The following HUNK variants were observed in gnomAD, a reference collection of about 807,000 sequenced individuals.
The protein encoded by HUNK is hormonally up-regulated Neu-associated kinase.
HUNK carries 21 observed loss-of-function variants against 61.0 expected under a neutral mutation model. The ratio of observed to expected loss-of-function variants is 0.34; its 90% confidence interval spans 0.24 to 0.50. The LOEUF (loss-of-function observed/expected upper bound fraction) is 0.50. HUNK is among the 20% of genes least tolerant of loss of function. The probability of loss-of-function intolerance (pLI) is 0.98; values close to 1 mark genes in which losing one functional copy is unlikely to be tolerated. For missense variants in HUNK, 772 were observed against 945.7 expected (o/e 0.82, Z 2.41); for synonymous variants, 371 against 386.1 (o/e 0.96, Z 0.46).
chr21:31,885,059 C>T (rs1223944520), intron 1 of HUNK, among the ~76,000 whole-genome samples: 1 of 152,134 alleles, frequency 6.6e-6, no homozygotes, highest in Non-Finnish European at 1.5e-5. Context: ...ATTACAGGCA[C>T]GAGTCATCGC....
At chr21:31,985,358 G>T (rs891119284) in intron 8 of HUNK, among the ~76,000 whole-genome samples, 1 of 152,186 alleles carries the variant, frequency 6.6e-6, no homozygotes, top group Non-Finnish European at 1.5e-5. Flanking sequence ...TGTCTTGCAC[G>T]CAGGGCTGCA....
intron 1 of HUNK, among the ~76,000 whole-genome samples, chr21:31,912,885 A>C (rs1027181315): frequency 1.3e-5 from 2 of 152,140 alleles, no homozygotes; most frequent in Non-Finnish European, 2.9e-5. Flanking sequence ...TATTTGATTT[A>C]AATGATTTTA....
At position 31,980,260 on chromosome 21, in the gene HUNK, C is replaced by T. The variant is rs145448595; in HGVS notation, c.1174-3266C>T. Among the ~76,000 whole-genome samples, 633 of 152,006 alleles carry T rather than the reference C, an allele frequency of 4.2e-3. 2 individuals are homozygous for T. Among genetic ancestry groups the T allele is most frequent in the Middle Eastern group, 0.01 (3 of 294 alleles). ...CAAATTTTTGTATTTTTAGTAGAGACGGGGTTTCACTATGTTGGCCAGGCT... is the reference window on the plus strand; with the variant it reads ...CAAATTTTTGTATTTTTAGTAGAGATGGGGTTTCACTATGTTGGCCAGGCT... On this transcript the variant is annotated intron_variant, in intron 7 of 10. Transcript: ENST00000270112.
intron 4 of HUNK, among the ~76,000 whole-genome samples, chr21:31,955,925 TTTG>T (rs747991517): frequency 2.0e-5 from 3 of 152,176 alleles, no homozygotes; most frequent in African/African-American, 7.2e-5. Context: ...GAATCTTGGT[TTTG>T]TTTTTTCCTC....
chr21:31,908,475 G>A (rs1160934210), intron 1 of HUNK, among the ~76,000 whole-genome samples: 1 of 152,030 alleles, frequency 6.6e-6, no homozygotes, highest in African/African-American at 2.4e-5. Flanking sequence ...GCAATCCATC[G>A]TAGGGGAGGG....
chr21:31,890,527 G>T (rs2123792689), intron 1 of HUNK, among the ~76,000 whole-genome samples: 1 of 152,302 alleles, frequency 6.6e-6, no homozygotes, highest in East Asian at 1.9e-4. Flanking sequence ...ACCGCGCCTG[G>T]CCGGTAAATA....
chr21:31,940,200 A>G lies in HUNK; in HGVS notation c.590A>G (p.Asp197Gly). ...ATAGAGAATTTGCTACTAGATGAAGACAATAATATCAAGCTGATTGGTATG... is the reference window on the plus strand; with the variant it reads ...ATAGAGAATTTGCTACTAGATGAAGGCAATAATATCAAGCTGATTGGTATG... Reference protein sequence around the residue: ...LKIENLLLDEDNNIKLIDFGL... With the variant: ...LKIENLLLDEGNNIKLIDFGL... The change falls in exon 3 of 11, where the codon GAC becomes GGC. Residue 197 changes from aspartate to glycine, a missense_variant. This residue lies in a region of HUNK where 359 missense variants were observed against 501.3 expected (regional missense o/e 0.72). Transcript: ENST00000270112. The G allele has an allele frequency of 1.3e-6, 2 of 1,594,604 alleles. No homozygotes were observed. The highest frequency in any genetic ancestry group is 1.7e-6 in the Non-Finnish European group (2 of 1,170,958).
chr21:31,988,620 C>CTTT (rs931199264), intron 8 of HUNK, among the ~76,000 whole-genome samples: 2 of 151,986 alleles, frequency 1.3e-5, no homozygotes, highest in African/African-American at 4.8e-5. Context: ...TTTCCCTGTT[C>CTTT]TTTTCTCTCC....
intron 1 of HUNK, among the ~76,000 whole-genome samples, chr21:31,885,358 G>A (rs1184035810): frequency 1.3e-5 from 2 of 152,212 alleles, no homozygotes; most frequent in African/African-American, 2.4e-5. Flanking sequence ...GCCTTGGTGG[G>A]GCCGACAGGC....
chr21:31,882,594 A>G (rs888744263), intron 1 of HUNK, among the ~76,000 whole-genome samples: 1 of 152,140 alleles, frequency 6.6e-6, no homozygotes, highest in Non-Finnish European at 1.5e-5. Flanking sequence ...TGTTCCATGC[A>G]TGGAGTGTGT....
intron 1 of HUNK, among the ~76,000 whole-genome samples, chr21:31,913,911 CG>C (rs2052563703): frequency 6.6e-6 from 1 of 151,720 alleles, no homozygotes; most frequent in African/African-American, 2.4e-5. Flanking sequence ...AGTGGCAGTC[CG>C]GGGCAGGGGC....
intron 5 of HUNK, among the ~76,000 whole-genome samples, chr21:31,962,390 T>C (rs1359687195): frequency 1.3e-5 from 2 of 152,222 alleles, no homozygotes; most frequent in Non-Finnish European, 2.9e-5. Context: ...CATCACGCAG[T>C]CTTAGCAGGC....
chr21:31,995,464 T>A (rs2053198048), intron 9 of HUNK, among the ~76,000 whole-genome samples: 1 of 152,226 alleles, frequency 6.6e-6, no homozygotes, highest in South Asian at 2.1e-4. Context: ...CACCTTGGTT[T>A]GTTGGGCTTG....
At chr21:31,877,715 T>C (rs917401675) in intron 1 of HUNK, among the ~76,000 whole-genome samples, 1 of 152,198 alleles carries the variant, frequency 6.6e-6, no homozygotes, top group Non-Finnish European at 1.5e-5. Flanking sequence ...TACCACTCTC[T>C]GGCTTTGAGA....
intron 1 of HUNK, among the ~76,000 whole-genome samples, chr21:31,893,552 T>C (rs1019460326): frequency 7.2e-5 from 11 of 152,154 alleles, no homozygotes; most frequent in Non-Finnish European, 5.9e-5. Flanking sequence ...CTGGGTTGTC[T>C]TGTATTTCTG....
intron 8 of HUNK, among the ~76,000 whole-genome samples, chr21:31,988,684 C>A (rs969278351): frequency 7.5e-6 from 1 of 132,556 alleles, no homozygotes; most frequent in Non-Finnish European, 1.7e-5. Context: ...TCTTTCTTTT[C>A]TTTTTCTTTT....
At chr21:31,973,665 C>T (rs964406263) in intron 6 of HUNK, among the ~76,000 whole-genome samples, 3 of 152,162 alleles carry the variant, frequency 2.0e-5, no homozygotes, top group Middle Eastern at 3.4e-3. Flanking sequence ...ACCCGGCTGC[C>T]GGTTCTTAAT....
intron 7 of HUNK, among the ~76,000 whole-genome samples, 174 bp from the exon 8 acceptor site, chr21:31,983,352 A>G (rs1028631687): frequency 1.3e-5 from 2 of 152,190 alleles, no homozygotes; most frequent in Non-Finnish European, 2.9e-5. Flanking sequence ...CTCTCCCCAC[A>G]CTGCAACCTG....
At chr21:31,892,180 TAGAG>T (rs66753649) in intron 1 of HUNK, among the ~76,000 whole-genome samples, 7,669 of 109,370 alleles carry the variant, frequency 0.07, 230 homozygotes, top group Middle Eastern at 0.089. Flanking sequence ...TATATATATA[TAGAG>T]AGAGAGAGAG....
Sources: gnomAD v4.1 joint callset for allele counts (sites outside exome capture counted in the v4.1 genomes callset) on GRCh38, gnomAD v4.1.1 for gene constraint, gnomAD v4.1.1 regional missense constraint, MANE v1.5 for transcripts, NCBI Gene and HGNC (gene_info 2026-07-23, HGNC 2026-07-21) for gene names.